The following DLEC1 variants were observed in gnomAD, a reference collection of about 807,000 sequenced individuals.
The protein encoded by DLEC1 is DLEC1 cilia and flagella associated protein.
A neutral mutation model predicts 198.1 loss-of-function variants in DLEC1; 146 were observed. The observed-to-expected ratio is 0.74, with a 90% CI of 0.64 to 0.85. The LOEUF (loss-of-function observed/expected upper bound fraction) is 0.85. Ranked by LOEUF, DLEC1 falls within the 40% of genes least tolerant of loss-of-function variation. The probability of loss-of-function intolerance (pLI) is 0.00; values close to 1 mark genes in which losing one functional copy is unlikely to be tolerated. For missense variants in DLEC1, 2,233 were observed against 2,220.0 expected (o/e 1.01, Z -0.12); for synonymous variants, 897 against 866.8 (o/e 1.03, Z -0.61).
intron 14 of DLEC1, 26 bp from the exon 15 acceptor site, chr3:38,096,543 C>T (rs1699028740): frequency 6.3e-7 from 1 of 1,599,884 alleles, no homozygotes; most frequent in African/African-American, 1.3e-5. Flanking sequence ...GTGCCGGCTC[C>T]TAGCTAACGG....
At chr3:38,088,181 GA>G in intron 9 of DLEC1, 114 bp from the exon 10 acceptor site, 2 of 877,584 alleles carry the variant, frequency 2.3e-6, no homozygotes, top group Non-Finnish European at 3.6e-6. Context: ...GTGACTGGAT[GA>G]TCCTTAAGTT....
chr3:38,066,830 G>A (rs1172235361), intron 6 of DLEC1, among the ~76,000 whole-genome samples: 2 of 152,172 alleles, frequency 1.3e-5, no homozygotes, highest in East Asian at 1.9e-4. Context: ...ATTAGAGGAA[G>A]CATTTTGCTT....
chr3:38,115,006 G>T lies in DLEC1; in HGVS notation c.3809G>T (p.Gly1270Val), dbSNP rs771806931. Residue 1270 changes from glycine to valine, a missense_variant, in exon 27 of 37, where the codon GGA becomes GTA. Coordinates refer to ENST00000308059, the MANE Select transcript of DLEC1 (RefSeq NM_007335.4). Reference sequence around the variant, plus strand: ...AGGTTCGGCACCCAGGTCTCCGGAGGAGACACAGTTACCCGAACCCTTCGC... The same window carrying T: ...AGGTTCGGCACCCAGGTCTCCGGAGTAGACACAGTTACCCGAACCCTTCGC... ...AMRFGTQVSGGDTVTRTLRLN... is the reference protein window; with the variant it reads ...AMRFGTQVSGVDTVTRTLRLN... The T allele has an allele frequency of 6.2e-7, 1 of 1,613,992 alleles. No individual in the cohort carries two copies. Among genetic ancestry groups the T allele is most frequent in the East Asian group, 2.2e-5 (1 of 44,884 alleles).
At chr3:38,057,615 G>A (rs113673517) in intron 2 of DLEC1, among the ~76,000 whole-genome samples, 1,957 of 152,282 alleles carry the variant, frequency 0.013, 35 homozygotes, top group African/African-American at 0.043. Context: ...TATATTTAAG[G>A]CATGCAGAAG....
Position 38,063,912 on chromosome 3 carries a change from T to G in DLEC1, c.1166T>G (p.Val389Gly), listed in dbSNP as rs531896839. The G allele has an allele frequency of 7.4e-6, 12 of 1,611,508 alleles. No individual in the cohort carries two copies. The East Asian group carries it at 2.7e-4, about 36-fold the overall frequency. The change falls in exon 6 of 37, where the codon GTT becomes GGT. Residue 389 changes from valine (V) to glycine (G), a missense_variant. By Grantham distance (109) the Val-to-Gly change is moderately radical (BLOSUM62 -3). Transcript: ENST00000308059. ...TTCACAGATTATGAAATTGGTCCAGTTTATGAGGTAGACATCTTGTTTCTT... is the reference window on the plus strand; with the variant it reads ...TTCACAGATTATGAAATTGGTCCAGGTTATGAGGTAGACATCTTGTTTCTT... ...GFFTDYEIGPVYEMVIALQNT... is the reference protein window; with the variant it reads ...GFFTDYEIGPGYEMVIALQNT...
intron 2 of DLEC1, among the ~76,000 whole-genome samples, chr3:38,053,745 G>C (rs1186077550): frequency 2.0e-5 from 3 of 152,240 alleles, no homozygotes. Context: ...CGGTTTTGTT[G>C]AATGGAAAAG....
chr3:38,068,973 A>C (rs2125629929), intron 6 of DLEC1, among the ~76,000 whole-genome samples: 1 of 152,338 alleles, frequency 6.6e-6, no homozygotes, highest in East Asian at 1.9e-4. Flanking sequence ...TCATATGGTG[A>C]GTCAGATATG....
chr3:38,098,480 A>T (rs1037949995), intron 18 of DLEC1, among the ~76,000 whole-genome samples: 3 of 152,258 alleles, frequency 2.0e-5, no homozygotes, highest in Non-Finnish European at 2.9e-5. Context: ...AAAGTCACAC[A>T]AATCACCAGC....
At chr3:38,095,647 C>G in intron 13 of DLEC1, 1 of 531,808 alleles carries the variant, frequency 1.9e-6, no homozygotes, top group Non-Finnish European at 3.4e-6. Context: ...ATCAGGAAGG[C>G]CTTTGCTTCT....
At chr3:38,048,105 A>G (rs1267053744) in intron 2 of DLEC1, among the ~76,000 whole-genome samples, 1 of 152,234 alleles carries the variant, frequency 6.6e-6, no homozygotes, top group East Asian at 1.9e-4. Flanking sequence ...CATCTTTGGC[A>G]GAGAGCCTTT....
In DLEC1 at chr3:38,097,508, G is replaced by T. The variant is rs765588572; in HGVS notation, c.2436G>T (p.Glu812Asp). 1 of 1,614,178 alleles carries T rather than the reference G, an allele frequency of 6.2e-7. No individual in the cohort carries two copies. The highest frequency in any genetic ancestry group is 1.1e-5 in the South Asian group (1 of 91,074). ...IEVEPGTGVIEPSEVGDFELN... is the reference protein window; with the variant it reads ...IEVEPGTGVIDPSEVGDFELN... ...CTCTCCCTTTCCCTCTCTTCTCAGA[G>T]CCCAGTGAGGTCGGGGATTTTGAGT... The change falls in exon 17 of 37, where the codon GAG becomes GAT. Residue 812 changes from glutamate (E) to aspartate (D), a missense_variant and splice_region_variant. Physicochemically the swap from Glu to Asp is conservative, Grantham distance 45 (BLOSUM62 2). Coordinates refer to ENST00000308059, the MANE Select transcript of DLEC1 (RefSeq NM_007335.4).
At chr3:38,093,860 C>G (rs1162248926) in intron 12 of DLEC1, 93 bp downstream of exon 12, 13 of 1,475,632 alleles carry the variant, frequency 8.8e-6, no homozygotes, top group Non-Finnish European at 1.2e-5. Context: ...TTCCAAGGGC[C>G]TGGGGAAGAC....
intron 6 of DLEC1, among the ~76,000 whole-genome samples, chr3:38,070,397 A>T (rs899059847): frequency 6.6e-6 from 1 of 152,248 alleles, no homozygotes; most frequent in Non-Finnish European, 1.5e-5. Flanking sequence ...CAGCTGTGAG[A>T]TAGAAACAGT....
chr3:38,065,231 G>A (rs906935267), intron 6 of DLEC1, among the ~76,000 whole-genome samples: 10 of 152,364 alleles, frequency 6.6e-5, no homozygotes, highest in Non-Finnish European at 1.3e-4. Context: ...GCAGGCACTC[G>A]GCAGGCTGAG....
At chr3:38,117,704 C>A (rs1434261234) in intron 32 of DLEC1, 93 bp downstream of exon 32, 2 of 1,598,776 alleles carry the variant, frequency 1.3e-6, no homozygotes, top group African/African-American at 2.7e-5. Context: ...ATAGTCTGAG[C>A]CCAAATCCCC....
At position 38,063,999 on chromosome 3, in the gene DLEC1, TTTTTTTTC is replaced by T. The variant is rs1696846294; in HGVS notation, c.1173+88_1173+95del. 6 of 891,200 alleles carry T rather than the reference TTTTTTTTC, an allele frequency of 6.7e-6. No individual in the cohort carries two copies. In the African/African-American group the frequency reaches 1.2e-4, roughly 17 times the overall value. The allele number at this position is 891,200 out of a possible 1,614,324, so 55.2% of individuals were successfully genotyped here. On this transcript the variant is annotated intron_variant, in intron 6 of 36. Coordinates refer to ENST00000308059, the MANE Select transcript of DLEC1 (RefSeq NM_007335.4). ...AAGTCTTTATTATGGAAATTTTCTTTTTTTTTTCTTTTTTTTTTTTTTTTTAGTATTTA... is the reference window on the plus strand; with the variant it reads ...AAGTCTTTATTATGGAAATTTTCTTTTTTTTTTTTTTTTTTTTAGTATTTA...
intron 12 of DLEC1, among the ~76,000 whole-genome samples, chr3:38,094,473 A>G (rs1256815332): frequency 6.6e-6 from 1 of 152,230 alleles, no homozygotes; most frequent in African/African-American, 2.4e-5. Context: ...GGCAGAGGGC[A>G]GGAATGGGGT....
intron 19 of DLEC1, among the ~76,000 whole-genome samples, chr3:38,101,393 T>C (rs948751519): frequency 6.6e-6 from 1 of 152,170 alleles, no homozygotes; most frequent in Non-Finnish European, 1.5e-5. Flanking sequence ...AGGCAGAGGT[T>C]GCAGTGAATG....
intron 10 of DLEC1, among the ~76,000 whole-genome samples, chr3:38,092,312 C>A (rs1033591536): frequency 1.3e-5 from 2 of 152,168 alleles, no homozygotes; most frequent in African/African-American, 4.8e-5. Flanking sequence ...TGCATGATTG[C>A]ACCTATATGT....
Sources: gnomAD v4.1 joint callset for allele counts (sites outside exome capture counted in the v4.1 genomes callset) on GRCh38, gnomAD v4.1.1 for gene constraint, MANE v1.5 for transcripts, NCBI Gene and HGNC (gene_info 2026-07-23, HGNC 2026-07-21) for gene names.